GALNT13: variants seen among roughly 807,000 people sequenced by gnomAD.
GALNT13 encodes the protein UDP-GalNAc:polypeptide N-acetylgalactosaminyltransferase 13.
A neutral mutation model predicts 64.2 loss-of-function variants in GALNT13; 28 were observed. The observed-to-expected ratio is 0.44, with a 90% CI of 0.32 to 0.60. GALNT13 has a LOEUF of 0.60. Ranked by LOEUF, GALNT13 falls within the 20% of genes least tolerant of loss-of-function variation. The pLI is 0.05. For synonymous variants in GALNT13, 214 were observed against 224.6 expected (o/e 0.95, Z 0.42); for missense variants, 577 against 669.8 (o/e 0.86, Z 1.53).
rs7563342 is a variant in GALNT13, at chr2:153,954,716, G to A, written c.142+10077G>A. Among the ~76,000 whole-genome samples the A allele has an allele frequency of 2.7e-3, 415 of 151,776 alleles. 1 individual carries two copies. The highest frequency in any genetic ancestry group is 9.5e-3 in the African/African-American group (392 of 41,444). On this transcript the variant is annotated intron_variant, in intron 3 of 12. Coordinates refer to ENST00000392825, the MANE Select transcript of GALNT13 (RefSeq NM_052917.4). ...ACTTTAAAAGCATCATTAAAAGGAG[G>A]TACTATTATTATACCCATTTACAAA...
At chr2:153,648,872 A>G in the GALNT13 span, among the ~76,000 whole-genome samples, 1 of 152,072 alleles carries the variant, frequency 6.6e-6, no homozygotes, top group African/African-American at 2.4e-5. Context: ...GTTTGCTAGT[A>G]TCTTATTGAG....
the GALNT13 span, among the ~76,000 whole-genome samples, chr2:153,226,411 T>A: frequency 6.6e-6 from 1 of 152,070 alleles, no homozygotes; most frequent in Non-Finnish European, 1.5e-5. Flanking sequence ...ATAAAAAAAA[T>A]GTATAGAATT....
In GALNT13 at chr2:154,042,474, G is replaced by A. The variant is rs553426332; in HGVS notation, c.142+97835G>A. On this transcript the variant is annotated intron_variant, in intron 3 of 12. Coordinates refer to ENST00000392825, the MANE Select transcript of GALNT13 (RefSeq NM_052917.4). ...TATAATTTGGTTTTATTTGTTGGTCGCAGCTTAAATATCACCTCTTCAGAG... is the reference window on the plus strand; with the variant it reads ...TATAATTTGGTTTTATTTGTTGGTCACAGCTTAAATATCACCTCTTCAGAG... Among the ~76,000 whole-genome samples, 37 of 139,192 alleles carry A rather than the reference G, an allele frequency of 2.7e-4. 6 individuals are homozygous for A. The highest frequency in any genetic ancestry group is 5.3e-4 in the Non-Finnish European group (32 of 60,764). The allele number at this position is 139,192 out of a possible 152,430, so 91.3% of individuals were successfully genotyped here.
chr2:153,108,869 A>G, the GALNT13 span, among the ~76,000 whole-genome samples: 1 of 152,122 alleles, frequency 6.6e-6, no homozygotes, highest in African/African-American at 2.4e-5. Flanking sequence ...ATTTCTAACC[A>G]TGTGCTGATA....
chr2:154,138,306 A>C (rs184701418), intron 3 of GALNT13, among the ~76,000 whole-genome samples: 7 of 152,014 alleles, frequency 4.6e-5, no homozygotes, highest in African/African-American at 1.7e-4. Flanking sequence ...TTTCCTATTA[A>C]TCTGTATTAT....
rs1306350592 is a variant in GALNT13 at position 153,872,098 on chromosome 2, T to G, written c.-382T>G. On this transcript the variant is annotated 5_prime_UTR_variant, in exon 1 of 13. Coordinates refer to ENST00000392825, the MANE Select transcript of GALNT13 (RefSeq NM_052917.4). The stretch of plus-strand genomic sequence containing the variant: ...CGAGGCTGGAGCCGGCTCCCTCTGC[T>G]CGCGGGCAAGTGTGAAGAGAGAGGC... The G allele has an allele frequency of 6.6e-6, 1 of 151,724 alleles. No individual in the cohort carries two copies. Among genetic ancestry groups the G allele is most frequent in the East Asian group, 2.0e-4 (1 of 5,074 alleles). The allele number at this position is 151,724 out of a possible 1,614,324, so 9.4% of individuals were successfully genotyped here.
intron 4 of GALNT13, among the ~76,000 whole-genome samples, chr2:154,149,449 T>TC (rs1683838202): frequency 6.6e-6 from 1 of 152,182 alleles, no homozygotes; most frequent in Non-Finnish European, 1.5e-5. Flanking sequence ...AGTAGTTTTT[T>TC]CCAATTCTGT....
At chr2:153,248,972 G>C in the GALNT13 span, among the ~76,000 whole-genome samples, 3 of 152,036 alleles carry the variant, frequency 2.0e-5, no homozygotes, top group Admixed American at 1.3e-4. Context: ...ACTGGCACAA[G>C]ACAAGAATGC....
intron 4 of GALNT13, among the ~76,000 whole-genome samples, chr2:154,145,010 CTT>C (rs1683481981): frequency 6.8e-6 from 1 of 147,196 alleles, no homozygotes; most frequent in Non-Finnish European, 1.5e-5. Flanking sequence ...AATGTTTTAC[CTT>C]CTTGAAGGCC....
chr2:153,301,694 C>A, the GALNT13 span, among the ~76,000 whole-genome samples: 1 of 152,114 alleles, frequency 6.6e-6, no homozygotes. Flanking sequence ...GATCTCTTCA[C>A]CACATCCACC....
At chr2:153,295,252 T>A in the GALNT13 span, among the ~76,000 whole-genome samples, 1 of 152,268 alleles carries the variant, frequency 6.6e-6, no homozygotes. Flanking sequence ...TAACTTACAT[T>A]TGTATCACCT....
At chr2:154,298,737 AGTATATAT>A (rs1693211071) in intron 8 of GALNT13, among the ~76,000 whole-genome samples, 1 of 82,996 alleles carries the variant, frequency 1.2e-5, no homozygotes, top group African/African-American at 4.1e-5. Context: ...ATTTATATAT[AGTATATAT>A]AAATATATAT....
chr2:153,452,105 A>G, the GALNT13 span, among the ~76,000 whole-genome samples: 1 of 152,326 alleles, frequency 6.6e-6, no homozygotes, highest in South Asian at 2.1e-4. Context: ...TGAGAATTTT[A>G]TAACTTAGTG....
intron 4 of GALNT13, among the ~76,000 whole-genome samples, chr2:154,213,840 C>G (rs771244562): frequency 1.3e-5 from 2 of 152,098 alleles, no homozygotes; most frequent in Non-Finnish European, 2.9e-5. Context: ...AAAATCAATT[C>G]TCATGTTAGA....
At chr2:153,488,181 T>C in the GALNT13 span, among the ~76,000 whole-genome samples, 3 of 152,206 alleles carry the variant, frequency 2.0e-5, 1 homozygote, top group Middle Eastern at 6.3e-3. Context: ...TCAGTTGTGC[T>C]GGACACCTTA....
chr2:153,399,891 C>G, the GALNT13 span, among the ~76,000 whole-genome samples: 346 of 151,626 alleles, frequency 2.3e-3, 3 homozygotes, highest in East Asian at 0.02. Flanking sequence ...TTGACTTCCT[C>G]TTTTCCTAAT....
the GALNT13 span, among the ~76,000 whole-genome samples, chr2:153,854,512 T>C: frequency 0.82 from 124,051 of 151,866 alleles, 51,978 homozygotes; most frequent in Non-Finnish European, 0.9. Context: ...ACCCGGGAGG[T>C]GGAGGTTGCA....
At chr2:153,168,904 C>T in the GALNT13 span, among the ~76,000 whole-genome samples, 1 of 152,172 alleles carries the variant, frequency 6.6e-6, no homozygotes, top group East Asian at 1.9e-4. Flanking sequence ...GGCTATTTCA[C>T]ACATTTATTA....
At chr2:153,336,870 C>A in the GALNT13 span, among the ~76,000 whole-genome samples, 1 of 152,062 alleles carries the variant, frequency 6.6e-6, no homozygotes, top group African/African-American at 2.4e-5. Context: ...GGGAGGGACC[C>A]AGGGGGAGGC....
Sources: allele counts gnomAD v4.1 joint callset (sites outside exome capture counted in the v4.1 genomes callset), GRCh38; gene constraint gnomAD v4.1.1; transcripts MANE v1.5; gene names NCBI Gene and HGNC (gene_info 2026-07-23, HGNC 2026-07-21).